ADAT1: variants seen among roughly 807,000 people sequenced by gnomAD.
The protein encoded by ADAT1 is adenosine deaminase tRNA specific 1.
Under a neutral mutation model 58.6 loss-of-function variants are expected in ADAT1, and 58 were observed. That is an observed-to-expected ratio of 0.99 (90% CI 0.80 to 1.23). The LOEUF (loss-of-function observed/expected upper bound fraction) is 1.23. Ranked by LOEUF, ADAT1 falls within the 50% of genes most tolerant of loss-of-function variation. ADAT1 has a pLI of 0.00. For synonymous variants in ADAT1, 254 were observed against 220.8 expected, an observed-to-expected ratio of 1.15 and a Z score of -1.33; for missense variants, 741 against 608.6, an observed-to-expected ratio of 1.22 and a Z score of -2.29.
intron 8 of ADAT1, among the ~76,000 whole-genome samples, chr16:75,607,917 G>C (rs1317541313): frequency 6.6e-6 from 1 of 152,204 alleles, no homozygotes; most frequent in African/African-American, 2.4e-5. Context: ...GAATAGTAAT[G>C]AAGTACTGAT....
intron 3 of ADAT1, 44 bp downstream of exon 3, chr16:75,620,222 T>C: frequency 6.3e-7 from 1 of 1,594,166 alleles, no homozygotes; most frequent in South Asian, 1.1e-5. Context: ...ACATGGACAC[T>C]GGTTTCAAGC....
At chr16:75,613,597 C>T (rs1567477760) in intron 5 of ADAT1, among the ~76,000 whole-genome samples, 1 of 152,130 alleles carries the variant, frequency 6.6e-6, no homozygotes, top group Non-Finnish European at 1.5e-5. Context: ...AGGTGTGAGC[C>T]AGCGTGCCCG....
Position 75,620,625 on chromosome 16 carries a change from T to C in ADAT1, c.169+6A>G. On this transcript the variant is annotated splice_donor_region_variant and intron_variant, in intron 2 of 9. Transcript: ENST00000564657. The stretch of plus-strand genomic sequence containing the variant: ...TGAGGAGCATGCCAAGAAGAAAAAG[T>C]CTCACCTTGCACCGGCTTATCAGGG... 6.2e-7 allele frequency: 1 copy of C among 1,612,308 alleles called. No homozygotes were observed. The highest frequency in any genetic ancestry group is 8.5e-7 in the Non-Finnish European group (1 of 1,179,700).
chr16:75,617,552 T>C (rs1191457334), intron 4 of ADAT1, among the ~76,000 whole-genome samples: 1 of 151,992 alleles, frequency 6.6e-6, no homozygotes, highest in Non-Finnish European at 1.5e-5. Context: ...GAAGACTGCT[T>C]AAGCCCAGGA....
At chr16:75,607,298 G>T (rs918796932) in intron 8 of ADAT1, among the ~76,000 whole-genome samples, 4 of 151,146 alleles carry the variant, frequency 2.6e-5, no homozygotes, top group African/African-American at 9.7e-5. Context: ...GAGGTCAGGA[G>T]TTTGAGACCA....
chr16:75,618,511 A>C (rs1460390949), intron 4 of ADAT1, 75 bp downstream of exon 4: 1,851 of 614,000 alleles, frequency 3.0e-3, no homozygotes, highest in African/African-American at 8.6e-3. Flanking sequence ...GTCCCCCCCA[A>C]AAAAAAAAAA....
In ADAT1 at chr16:75,597,402, C is replaced by T. The variant is rs1017832587; in HGVS notation, c.*2814G>A. 1 of 450,946 alleles carries T rather than the reference C, an allele frequency of 2.2e-6. No homozygotes were observed. Among genetic ancestry groups the T allele is most frequent in the South Asian group, 1.6e-5 (1 of 63,290 alleles). 27.9% of individuals were successfully genotyped at this position (450,946 alleles called of 1,614,324 possible). ...GAGCCATCAGAAGCTAAGGAGGAAG[C>T]ATGAAAGAGTCTTCTTCAGAGCAGC... On this transcript the variant is annotated 3_prime_UTR_variant, in exon 10 of 10. Transcript: ENST00000564657.
rs2081760219 is a variant in ADAT1 at position 75,617,202 on chromosome 16, T to C, written c.364A>G (p.Lys122Glu). The C allele has an allele frequency of 6.2e-7, 1 of 1,613,990 alleles. No individual in the cohort carries two copies. The highest frequency in any genetic ancestry group is 1.3e-5 in the African/African-American group (1 of 75,054). Reference protein sequence around the residue: ...EDSIFVPGTQKGVWKLRRDLI... With the variant: ...EDSIFVPGTQEGVWKLRRDLI... ...TCTCGTCTAAGTTTCCACACTCCTT[T>C]TTGAGTTCCTGGGACAAAGATGCTA... The change falls in exon 5 of 10, where the codon AAA becomes GAA. Residue 122 changes from lysine to glutamate, a missense_variant. Transcript: ENST00000564657.
chr16:75,600,010 T>C lies in ADAT1; in HGVS notation c.*206A>G. On this transcript the variant is annotated 3_prime_UTR_variant, in exon 10 of 10. Coordinates refer to ENST00000564657, the MANE Select transcript of ADAT1 (RefSeq NM_001324445.2). ...CAATGGAAGTCAGATAGTGAGGTCA[T>C]TAGTGAGATGCCATTTTAGCAGAGA... The C allele has an allele frequency of 2.2e-6, 3 of 1,361,412 alleles. No individual in the cohort carries two copies. Among genetic ancestry groups the C allele is most frequent in the Admixed American group, 3.2e-5 (1 of 31,106 alleles). 84.3% of individuals were successfully genotyped at this position (1,361,412 alleles called of 1,614,324 possible).
At chr16:75,608,766 G>T in intron 7 of ADAT1, 77 bp downstream of exon 7, 20 of 1,535,884 alleles carry the variant, frequency 1.3e-5, no homozygotes, top group Non-Finnish European at 1.8e-5. Context: ...CCTAGGCTGG[G>T]AGGATGCCGA....
At chr16:75,606,636 G>C (rs146113884) in intron 8 of ADAT1, among the ~76,000 whole-genome samples, 1 of 152,168 alleles carries the variant, frequency 6.6e-6, no homozygotes, top group Non-Finnish European at 1.5e-5. Context: ...TTGAGCCCCC[G>C]TCAAGTCTTC....
In ADAT1 at chr16:75,612,273, T is replaced by G; in HGVS notation, c.1013A>C (p.Gln338Pro). 1 of 1,614,168 alleles carries G rather than the reference T, an allele frequency of 6.2e-7. No homozygotes were observed. Among genetic ancestry groups the G allele is most frequent in the Non-Finnish European group, 8.5e-7 (1 of 1,180,010 alleles). The change falls in exon 6 of 10, where the codon CAG becomes CCG. Residue 338 changes from glutamine to proline, a missense_variant. Physicochemically the swap from Gln to Pro is moderately conservative, Grantham distance 76. Transcript: ENST00000564657. Reference sequence around the variant, plus strand: ...AATCAGTGCTCTCTGCATGGCTTCCTGGCTGTATGGGCACTTCCCAATGAC... The same window carrying G: ...AATCAGTGCTCTCTGCATGGCTTCCGGGCTGTATGGGCACTTCCCAATGAC... Reference protein sequence around the residue: ...AVVIGKCPYSQEAMQRALIGR... With the variant: ...AVVIGKCPYSPEAMQRALIGR...
Position 75,599,664 on chromosome 16 carries a change from C to A in ADAT1, c.*552G>T. The stretch of plus-strand genomic sequence containing the variant: ...TTTCCTGATACCTCTGAGAACAAGT[C>A]CAGGGCAGTCCAGGGCTGGCTCACA... On this transcript the variant is annotated 3_prime_UTR_variant, in exon 10 of 10. Coordinates refer to ENST00000564657, the MANE Select transcript of ADAT1 (RefSeq NM_001324445.2). 1.0e-6 allele frequency: 1 copy of A among 986,410 alleles called. No individual in the cohort carries two copies. The highest frequency in any genetic ancestry group is 1.2e-6 in the Non-Finnish European group (1 of 830,442). The allele number at this position is 986,410 out of a possible 1,614,324, so 61.1% of individuals were successfully genotyped here. A position where few individuals can be genotyped will look rare whatever the true frequency, so the allele number is the denominator to read the frequency against.
intron 8 of ADAT1, among the ~76,000 whole-genome samples, chr16:75,604,456 A>T (rs867278550): frequency 0.065 from 3,129 of 47,946 alleles, 124 homozygotes; most frequent in Non-Finnish European, 0.075. Context: ...AAAAAAAAAA[A>T]ATATATATAT....
chr16:75,616,298 G>A (rs915319394), intron 5 of ADAT1, among the ~76,000 whole-genome samples: 3 of 152,112 alleles, frequency 2.0e-5, no homozygotes, highest in Non-Finnish European at 4.4e-5. Context: ...GTGAGCCACC[G>A]TGCCTGGCCT....
chr16:75,607,580 G>A (rs569192321), intron 8 of ADAT1, among the ~76,000 whole-genome samples: 1 of 151,548 alleles, frequency 6.6e-6, no homozygotes, highest in Admixed American at 6.6e-5. Flanking sequence ...ACAATAACAA[G>A]TGTTGTAAAG....
chr16:75,617,246 G>C lies in ADAT1; in HGVS notation c.320C>G (p.Ala107Gly), dbSNP rs556868899. The C allele has an allele frequency of 6.2e-7, 1 of 1,613,396 alleles. No homozygotes were observed. The highest frequency in any genetic ancestry group is 1.3e-5 in the African/African-American group (1 of 75,044). The change falls in exon 5 of 10, where the codon GCA (alanine) becomes GGA (glycine). Residue 107 changes from alanine to glycine, a missense_variant. Coordinates refer to ENST00000564657, the MANE Select transcript of ADAT1 (RefSeq NM_001324445.2). ...GATGCTATCCTCTTTCAGGGTGGCT[G>C]CCAACTGGAGTTGGTGGAGAAGGTA... is the stretch of plus-strand genomic sequence containing the variant. ...QRYLLHQLQL[A>G]ATLKEDSIFV...
chr16:75,617,231 T>A lies in ADAT1; in HGVS notation c.335A>T (p.Glu112Val), dbSNP rs375750022. The change falls in exon 5 of 10, where the codon GAG becomes GTG. Residue 112 changes from glutamate (E) to valine (V), a missense_variant. By Grantham distance (121) the Glu-to-Val change is moderately radical. Coordinates refer to ENST00000564657, the MANE Select transcript of ADAT1 (RefSeq NM_001324445.2). ...AGTTCCTGGGACAAAGATGCTATCC[T>A]CTTTCAGGGTGGCTGCCAACTGGAG... ...HQLQLAATLKEDSIFVPGTQK... is the reference protein window; with the variant it reads ...HQLQLAATLKVDSIFVPGTQK... The A allele has an allele frequency of 6.2e-7, 1 of 1,613,926 alleles. No homozygotes were observed. The highest frequency in any genetic ancestry group is 8.5e-7 in the Non-Finnish European group (1 of 1,179,790).
At chr16:75,612,918 C>A (rs574894858) in intron 5 of ADAT1, 57 bp from the exon 6 acceptor site, 4 of 1,553,992 alleles carry the variant, frequency 2.6e-6, no homozygotes, top group East Asian at 2.2e-5. Flanking sequence ...CCTGGACCAG[C>A]CACAATGGGA....
Sources: allele counts gnomAD v4.1 joint callset (sites outside exome capture counted in the v4.1 genomes callset), GRCh38; gene constraint gnomAD v4.1.1; transcripts MANE v1.5; gene names NCBI Gene and HGNC (gene_info 2026-07-23, HGNC 2026-07-21).